Variants in PDE4D observed in about 807,000 individuals in gnomAD.
The protein encoded by PDE4D is 3',5'-cyclic-AMP phosphodiesterase 4D.
PDE4D carries 24 observed loss-of-function variants against 87.4 expected under a neutral mutation model. The observed-to-expected ratio is 0.27, with a 90% CI of 0.20 to 0.39. The LOEUF is 0.39. Ranked by LOEUF, PDE4D falls within the 10% of genes least tolerant of loss-of-function variation. The pLI, the probability that PDE4D is intolerant of heterozygous loss-of-function variation, is 1.00. For missense variants in PDE4D, 714 were observed against 1,041.0 expected (o/e 0.69, Z 4.32); for synonymous variants, 384 against 383.2 (o/e 1.00, Z -0.02).
chr5:60,046,443 C>T (rs1200511039), intron 2 of PDE4D, among the ~76,000 whole-genome samples: 2 of 152,244 alleles, frequency 1.3e-5, no homozygotes, highest in South Asian at 4.1e-4. Context: ...CTGTCTTGTG[C>T]CAGTTTTCAA....
At chr5:60,180,789 C>G (rs1784316713) in intron 2 of PDE4D, among the ~76,000 whole-genome samples, 1 of 152,100 alleles carries the variant, frequency 6.6e-6, no homozygotes, top group South Asian at 2.1e-4. Context: ...CAAGCAGGAA[C>G]TTGGTTTTGT....
In PDE4D at chr5:59,047,840, G is replaced by A. The variant is rs577083758; in HGVS notation, c.809-8869C>T. On this transcript the variant is annotated intron_variant, in intron 5 of 14. Coordinates refer to ENST00000340635, the MANE Select transcript of PDE4D (RefSeq NM_001104631.2). ...AATTAGATTCGTGCCATTATAAGAAGAGGCCAGAGGTTGCTCTCTTTCTAC... is the reference window on the plus strand; with the variant it reads ...AATTAGATTCGTGCCATTATAAGAAAAGGCCAGAGGTTGCTCTCTTTCTAC... Among the ~76,000 whole-genome samples the A allele has an allele frequency of 2.6e-5, 4 of 152,292 alleles. No homozygotes were observed. In the South Asian group the frequency reaches 8.3e-4, roughly 32 times the overall value.
chr5:59,215,825 T>C lies in PDE4D; in HGVS notation c.599A>G (p.Asp200Gly). 6.2e-7 allele frequency: 1 copy of C among 1,613,612 alleles called. No individual in the cohort carries two copies. Among genetic ancestry groups the C allele is most frequent in the Non-Finnish European group, 8.5e-7 (1 of 1,179,680 alleles). The change falls in exon 2 of 15, where the codon GAC (aspartate) becomes GGC (glycine). Residue 200 changes from aspartate (D) to glycine (G), a missense_variant. Physicochemically the swap from Asp to Gly is moderately conservative, Grantham distance 94 (BLOSUM62 -1). This residue lies in a region of PDE4D where 90 missense variants were observed against 177.6 expected (regional missense o/e 0.51). Coordinates refer to ENST00000340635, the MANE Select transcript of PDE4D (RefSeq NM_001104631.2). The part of the protein sequence containing the change: ...SFLYRSDSDY[D>G]LSPKSMSRNS... ...CCGGGACATAGACTTTGGAGAGAGG[T>C]CATAATCGCTGTCGGATCGATACAG... is the stretch of plus-strand genomic sequence containing the variant.
chr5:59,877,519 A>AG (rs1748789890), intron 1 of PDE4D, among the ~76,000 whole-genome samples: 1 of 150,666 alleles, frequency 6.6e-6, no homozygotes, highest in Non-Finnish European at 1.5e-5. Flanking sequence ...ACAAAAAAAA[A>AG]GCTTAGATAA....
At chr5:59,383,468 G>A (rs577184162) in intron 1 of PDE4D, among the ~76,000 whole-genome samples, 1 of 152,208 alleles carries the variant, frequency 6.6e-6, no homozygotes, top group Non-Finnish European at 1.5e-5. Context: ...CTCAGCCTCT[G>A]TATTGAACTC....
intron 2 of PDE4D, among the ~76,000 whole-genome samples, chr5:60,180,209 G>C (rs186090042): frequency 1.3e-3 from 197 of 152,272 alleles, no homozygotes; most frequent in African/African-American, 4.5e-3. Flanking sequence ...AAAGCAAATG[G>C]TTGCTGATCA....
chr5:59,036,113 A>C (rs1287009354), intron 6 of PDE4D, among the ~76,000 whole-genome samples: 5 of 152,234 alleles, frequency 3.3e-5, no homozygotes, highest in Non-Finnish European at 7.3e-5. Flanking sequence ...GAAGTCTAAG[A>C]AACAGAAATA....
At chr5:60,050,193 G>C (rs896139602) in intron 2 of PDE4D, among the ~76,000 whole-genome samples, 1 of 152,038 alleles carries the variant, frequency 6.6e-6, no homozygotes, top group Non-Finnish European at 1.5e-5. Flanking sequence ...TGTGCTTCCC[G>C]AGTGAGGCAA....
At chr5:60,346,497 T>C (rs1345852188) in intron 1 of PDE4D, among the ~76,000 whole-genome samples, 1 of 152,212 alleles carries the variant, frequency 6.6e-6, no homozygotes, top group Non-Finnish European at 1.5e-5. Flanking sequence ...GGAAAATTTG[T>C]TCAATCCATT....
At position 58,996,418 on chromosome 5, in the gene PDE4D, T is replaced by C. The variant is rs184580462; in HGVS notation, c.922-2953A>G. On this transcript the variant is annotated intron_variant, in intron 6 of 14. Coordinates refer to ENST00000340635, the MANE Select transcript of PDE4D (RefSeq NM_001104631.2). ...AATGAAATATCTCTTTGACCTAAAA[T>C]TGTTCATGTTATGAGCTAAAAGTTG... 3.7e-4 allele frequency among the ~76,000 whole-genome samples: 56 copies of C among 152,334 alleles called. 1 individual carries two copies. Among genetic ancestry groups the C allele is most frequent in the Admixed American group, 3.5e-3 (54 of 15,298 alleles).
intron 1 of PDE4D, among the ~76,000 whole-genome samples, chr5:60,242,118 A>T (rs1048122303): frequency 3.2e-4 from 49 of 152,230 alleles, no homozygotes; most frequent in African/African-American, 1.1e-3. Flanking sequence ...ACACACACAG[A>T]CTGAAACTAA....
At chr5:60,367,878 T>G (rs1760691831) in intron 1 of PDE4D, among the ~76,000 whole-genome samples, 1 of 152,198 alleles carries the variant, frequency 6.6e-6, no homozygotes, top group Admixed American at 6.5e-5. Flanking sequence ...TGCTTCCCCT[T>G]GGACTGAAAT....
At chr5:60,278,599 A>AT (rs908941895) in intron 1 of PDE4D, among the ~76,000 whole-genome samples, 5 of 149,146 alleles carry the variant, frequency 3.4e-5, no homozygotes, top group South Asian at 2.1e-4. Flanking sequence ...TTTCCCATTT[A>AT]TTTTTTTTCT....
Position 59,850,833 on chromosome 5 carries a change from A to C in PDE4D, c.455+42335T>G, listed in dbSNP as rs73761011. On this transcript the variant is annotated intron_variant, in intron 1 of 14. Transcript: ENST00000340635. Reference sequence around the variant, plus strand: ...TAGGAGATGAGAACTTGAGTAGACTATGGCAGTGGGCATGACAGAGAATGG... The same window carrying C: ...TAGGAGATGAGAACTTGAGTAGACTCTGGCAGTGGGCATGACAGAGAATGG... 6.2e-3 allele frequency among the ~76,000 whole-genome samples: 936 copies of C among 152,154 alleles called. 5 individuals carry two copies. Among genetic ancestry groups the C allele is most frequent in the African/African-American group, 0.022 (905 of 41,556 alleles).
At chr5:60,145,678 A>C (rs1582858330) in intron 2 of PDE4D, among the ~76,000 whole-genome samples, 1 of 152,220 alleles carries the variant, frequency 6.6e-6, no homozygotes, top group East Asian at 1.9e-4. Flanking sequence ...TCCAGTACTC[A>C]GGATACTTGG....
intron 6 of PDE4D, among the ~76,000 whole-genome samples, chr5:59,005,231 T>C (rs143698687): frequency 2.7e-3 from 416 of 152,340 alleles, no homozygotes; most frequent in Non-Finnish European, 4.4e-3. Flanking sequence ...TTCTCCCTGC[T>C]GAATGTGAGT....
chr5:59,439,357 CA>C (rs3061710), intron 1 of PDE4D, among the ~76,000 whole-genome samples: 629 of 72,562 alleles, frequency 8.7e-3, no homozygotes, highest in African/African-American at 9.2e-3. Context: ...AAGACTCTGT[CA>C]AAAAAAAAAA....
intron 1 of PDE4D, among the ~76,000 whole-genome samples, chr5:59,874,009 A>G (rs1030249422): frequency 3.9e-5 from 6 of 152,166 alleles, no homozygotes; most frequent in Non-Finnish European, 1.5e-5. Context: ...CAGGGGTTCA[A>G]GATCAGTCTG....
At chr5:60,226,381 C>T (rs1745105819) in intron 1 of PDE4D, among the ~76,000 whole-genome samples, 1 of 151,974 alleles carries the variant, frequency 6.6e-6, no homozygotes, top group African/African-American at 2.4e-5. Context: ...ACAATCAATC[C>T]TAAATCACAG....
Sources: allele counts gnomAD v4.1 joint callset (sites outside exome capture counted in the v4.1 genomes callset), GRCh38; gene constraint gnomAD v4.1.1; regional missense constraint gnomAD v4.1.1; transcripts MANE v1.5; gene names NCBI Gene and HGNC (gene_info 2026-07-23, HGNC 2026-07-21).